The following MGAT5B variants were observed in gnomAD, a reference collection of about 807,000 sequenced individuals.
MGAT5B encodes N-acetylglucosaminyl-transferase Vb.
A neutral mutation model predicts 95.1 loss-of-function variants in MGAT5B; 54 were observed. The observed-to-expected ratio is 0.57, with a 90% confidence interval of 0.46 to 0.71. The LOEUF (loss-of-function observed/expected upper bound fraction) is 0.71. Among genes scored for constraint, MGAT5B ranks in the 30% least tolerant of loss-of-function variants. MGAT5B has a pLI of 0.00. For missense variants in MGAT5B, 935 were observed against 1,088.6 expected, an observed-to-expected ratio of 0.86 and a Z score of 1.99; for synonymous variants, 464 against 451.0, an observed-to-expected ratio of 1.03 and a Z score of -0.36.
intron 11 of MGAT5B, 79 bp from the exon 12 acceptor site, chr17:76,933,213 C>G (rs1201491156): frequency 1.3e-6 from 2 of 1,576,994 alleles, no homozygotes; most frequent in Admixed American, 3.3e-5. Flanking sequence ...GAGCTGCCTG[C>G]ATGGGGTGTT....
At chr17:76,896,014 C>G (rs1320191733) in intron 3 of MGAT5B, among the ~76,000 whole-genome samples, 2 of 152,180 alleles carry the variant, frequency 1.3e-5, no homozygotes, top group Non-Finnish European at 2.9e-5. Flanking sequence ...GCTGCCTACC[C>G]CACGGTGACA....
chr17:76,899,963 C>G (rs1477496141), intron 3 of MGAT5B, among the ~76,000 whole-genome samples: 2 of 152,202 alleles, frequency 1.3e-5, no homozygotes, highest in Non-Finnish European at 2.9e-5. Flanking sequence ...CTGCTTCAAC[C>G]ACATCAATAT....
rs576409015 is a variant in MGAT5B, at chr17:76,873,713, G to T, written c.181+750G>T. Among the ~76,000 whole-genome samples the T allele has an allele frequency of 3.9e-5, 6 of 152,278 alleles. No individual in the cohort carries two copies. The East Asian group carries it at 9.7e-4, about 25-fold the overall frequency. Reference sequence around the variant, plus strand: ...CTCATCTCACCTAAGGAGGGGTGGGGGTCAGAACTGAGCCCTGCTCACTGT... The same window carrying T: ...CTCATCTCACCTAAGGAGGGGTGGGTGTCAGAACTGAGCCCTGCTCACTGT... On this transcript the variant is annotated intron_variant, in intron 2 of 17. Transcript: ENST00000569840.
At chr17:76,920,437 C>A in intron 8 of MGAT5B, among the ~76,000 whole-genome samples, 1 of 152,190 alleles carries the variant, frequency 6.6e-6, no homozygotes, top group East Asian at 1.9e-4. Flanking sequence ...CAATTCATGT[C>A]ACTGCTCCAG....
chr17:76,904,168 A>G (rs1968428190), intron 5 of MGAT5B, 84 bp from the exon 6 acceptor site: 2 of 1,382,886 alleles, frequency 1.4e-6, no homozygotes, highest in Non-Finnish European at 9.7e-7. Context: ...TGACCTCAGG[A>G]CCCCTGGGGG....
At chr17:76,893,262 G>A (rs557623489) in intron 3 of MGAT5B, among the ~76,000 whole-genome samples, 1 of 152,208 alleles carries the variant, frequency 6.6e-6, no homozygotes, top group African/African-American at 2.4e-5. Flanking sequence ...TGGTTCATCT[G>A]CGTTTGGTTC....
intron 10 of MGAT5B, among the ~76,000 whole-genome samples, chr17:76,931,678 T>C (rs182957360): frequency 6.6e-6 from 1 of 152,250 alleles, no homozygotes; most frequent in Admixed American, 6.5e-5. Context: ...AGGAACCTGA[T>C]ATGGCCTAGA....
In MGAT5B at chr17:76,933,295, C is replaced by G; in HGVS notation, c.1426C>G (p.Gln476Glu). 6.3e-7 allele frequency: 1 copy of G among 1,598,322 alleles called. No individual in the cohort carries two copies. Among genetic ancestry groups the G allele is most frequent in the South Asian group, 1.1e-5 (1 of 91,064 alleles). ...YGKEASIWKLQGKEKFLGILN... is the reference protein window; with the variant it reads ...YGKEASIWKLEGKEKFLGILN... Reference sequence around the variant, plus strand: ...GCTCCCCCTGGCCACGAGGCAGCTCCAGGTATGGAAACCGCTTGCCGCCTG... The same window carrying G: ...GCTCCCCCTGGCCACGAGGCAGCTCGAGGTATGGAAACCGCTTGCCGCCTG... The change falls in exon 12 of 18, where the codon CAG (glutamine) becomes GAG (glutamate). Residue 476 changes from glutamine to glutamate, a missense_variant and splice_region_variant. Physicochemically the swap from Gln to Glu is conservative, Grantham distance 29. Around this residue, in one of 4 missense-constraint regions of MGAT5B, gnomAD observed 440 missense variants for 523.6 expected, o/e 0.84. Transcript: ENST00000569840.
rs2145215437 is a variant in MGAT5B, at chr17:76,915,288, GAGA to G, written c.1025+9104_1025+9106del. Reference sequence around the variant, plus strand: ...GGACAGCTCTTCTGCCCTGAGAGGAGAGAAGGAGAAGAGACCAGGGTATACTGT... The same window carrying G: ...GGACAGCTCTTCTGCCCTGAGAGGAGAGGAGAAGAGACCAGGGTATACTGT... On this transcript the variant is annotated intron_variant, in intron 8 of 17. Transcript: ENST00000569840. This position sits in a 1 kb window ranked among gnomAD's most constrained non-coding sequence, Gnocchi z 8.7. 6.7e-6 allele frequency among the ~76,000 whole-genome samples: 1 copy of G among 149,244 alleles called. No individual in the cohort carries two copies. Among genetic ancestry groups the G allele is most frequent in the African/African-American group, 2.4e-5 (1 of 40,898 alleles).
intron 15 of MGAT5B, among the ~76,000 whole-genome samples, chr17:76,944,478 AC>A (rs768448831): frequency 1.2e-4 from 19 of 152,074 alleles, no homozygotes; most frequent in Non-Finnish European, 1.8e-4. Context: ...GGCTCCCAGG[AC>A]TTCGTCATGA....
rs1969433808 is a variant in MGAT5B at position 76,930,127 on chromosome 17, G to A, written c.1292-2518G>A. Among the ~76,000 whole-genome samples the A allele has an allele frequency of 6.6e-6, 1 of 152,118 alleles. No homozygotes were observed. Among genetic ancestry groups the A allele is most frequent in the South Asian group, 2.1e-4 (1 of 4,830 alleles). On this transcript the variant is annotated intron_variant, in intron 10 of 17. Coordinates refer to ENST00000569840, the MANE Select transcript of MGAT5B (RefSeq NM_001199172.2). This position sits in a 1 kb window ranked among gnomAD's most constrained non-coding sequence, Gnocchi z 4.1. ...TCCTGACCCTGACCACCCACAGAAA[G>A]AACTCCAGGCTTCCAGGGCTCCTCC...
chr17:76,910,290 G>T (rs1968688371), intron 8 of MGAT5B, among the ~76,000 whole-genome samples: 1 of 152,224 alleles, frequency 6.6e-6, no homozygotes, highest in East Asian at 1.9e-4. Flanking sequence ...TCTGCCACCG[G>T]CTCCCTCTGA....
intron 3 of MGAT5B, among the ~76,000 whole-genome samples, chr17:76,901,415 A>AAC (rs1968312715): frequency 1.3e-5 from 2 of 151,378 alleles, no homozygotes; most frequent in African/African-American, 4.9e-5. Flanking sequence ...AAAAAAAAAA[A>AAC]GGCAAGCAGC....
intron 2 of MGAT5B, among the ~76,000 whole-genome samples, chr17:76,879,227 G>A (rs1435543720): frequency 6.6e-6 from 1 of 152,192 alleles, no homozygotes; most frequent in Non-Finnish European, 1.5e-5. Context: ...GAAGCTTGGG[G>A]TGGGCTTGGA....
intron 2 of MGAT5B, among the ~76,000 whole-genome samples, chr17:76,880,263 T>G (rs1233540415): frequency 2.0e-5 from 3 of 152,180 alleles, no homozygotes; most frequent in African/African-American, 7.2e-5. Context: ...AAATCGCAGC[T>G]TCTCCTGTTT....
intron 11 of MGAT5B, 132 bp downstream of exon 11, chr17:76,932,907 A>G (rs897319115): frequency 7.2e-7 from 1 of 1,383,648 alleles, no homozygotes; most frequent in Non-Finnish European, 9.6e-7. Context: ...AATGTCTCCC[A>G]TGAACCAGTT....
intron 3 of MGAT5B, among the ~76,000 whole-genome samples, chr17:76,900,797 A>G (rs180817238): frequency 2.0e-5 from 3 of 152,262 alleles, no homozygotes; most frequent in East Asian, 3.9e-4. Flanking sequence ...TAAGAGTTTT[A>G]TGTTTGTTTG....
At chr17:76,898,078 G>T (rs1181129465) in intron 3 of MGAT5B, among the ~76,000 whole-genome samples, 1 of 151,838 alleles carries the variant, frequency 6.6e-6, no homozygotes. Context: ...GTTTATTGAG[G>T]TATATTTTTC....
At chr17:76,921,735 G>A (rs560916604) in intron 8 of MGAT5B, among the ~76,000 whole-genome samples, 1 of 152,312 alleles carries the variant, frequency 6.6e-6, no homozygotes, top group African/African-American at 2.4e-5. Context: ...GCAGTGGGAA[G>A]CCTCGGAAAG....
Sources: allele counts gnomAD v4.1 joint callset (sites outside exome capture counted in the v4.1 genomes callset), GRCh38; gene constraint gnomAD v4.1.1; regional missense constraint gnomAD v4.1.1; non-coding constraint Gnocchi (gnomAD v3.1); transcripts MANE v1.5; gene names NCBI Gene and HGNC (gene_info 2026-07-23, HGNC 2026-07-21).